The following RFPL2 variants were observed in gnomAD, a reference collection of about 807,000 sequenced individuals.
RFPL2 encodes ret finger protein-like 2.
Under a neutral mutation model 17.8 loss-of-function variants are expected in RFPL2, and 13 were observed. That is an observed-to-expected ratio of 0.73 (90% CI 0.47 to 1.16). The LOEUF is 1.16. Among genes scored for constraint, RFPL2 ranks in the 50% most tolerant of loss-of-function variants. RFPL2 has a pLI of 0.00. For missense variants in RFPL2, 431 were observed against 479.3 expected (o/e 0.90, Z 0.94); for synonymous variants, 189 against 180.9 (o/e 1.04, Z -0.36).
chr22:32,197,328 G>C (rs954918821), intron 2 of RFPL2, among the ~76,000 whole-genome samples: 3 of 152,098 alleles, frequency 2.0e-5, no homozygotes, highest in Non-Finnish European at 4.4e-5. Context: ...GTGGTTAAAG[G>C]CACAGTGCTG....
chr22:32,191,111 C>A lies in RFPL2; in HGVS notation c.798G>T (p.Gly266=). The A allele has an allele frequency of 6.2e-7, 1 of 1,613,994 alleles. No homozygotes were observed. The highest frequency in any genetic ancestry group is 1.3e-5 in the African/African-American group (1 of 75,046). The part of the protein sequence containing the change: ...GVCRESVHRK[G]RIQLTTELGF... ...CAAGCTCTGTGGTCAGCTGGATCCT[C>A]CCTTTGCGGTGAACAGATTCTCTGC... The change falls in exon 5 of 5, where the codon GGG becomes GGT. Residue 266 remains glycine (G), a synonymous_variant. Coordinates refer to ENST00000652607, the MANE Select transcript of RFPL2 (RefSeq NM_001394555.1).
chr22:32,193,285 A>G (rs1202998449), intron 3 of RFPL2, 93 bp from the exon 4 acceptor site: 3 of 1,605,896 alleles, frequency 1.9e-6, no homozygotes, highest in Non-Finnish European at 2.6e-6. Flanking sequence ...GCATAGAGGT[A>G]TTGTGTTCCA....
At position 32,190,490 on chromosome 22, in the gene RFPL2, C is replaced by T. The variant is rs901947390; in HGVS notation, c.*282G>A. ...AACTTCTATAATACATTAATTTGAA[C>T]TTGCAGAAATAAAAAAGTAAAGCAT... On this transcript the variant is annotated 3_prime_UTR_variant, in exon 5 of 5. Transcript: ENST00000652607. 14 of 294,518 alleles carry T rather than the reference C, an allele frequency of 4.8e-5. No homozygotes were observed. The highest frequency in any genetic ancestry group is 2.0e-4 in the Admixed American group (4 of 20,322). 18.2% of individuals were successfully genotyped at this position (294,518 alleles called of 1,614,324 possible).
At chr22:32,202,963 A>G (rs1438165044) in intron 1 of RFPL2, 2 of 985,868 alleles carry the variant, frequency 2.0e-6, no homozygotes, top group African/African-American at 3.5e-5. Context: ...AGGAAGCACC[A>G]CGGGGCTGGG....
At chr22:32,202,265 T>C in intron 2 of RFPL2, 68 bp downstream of exon 2, 1 of 1,540,584 alleles carries the variant, frequency 6.5e-7, no homozygotes, top group Non-Finnish European at 8.8e-7. Context: ...ACCCTCCTCC[T>C]GCCTTCCTCT....
chr22:32,198,396 A>C (rs1405205124), intron 2 of RFPL2, among the ~76,000 whole-genome samples: 2 of 149,716 alleles, frequency 1.3e-5, no homozygotes, highest in Non-Finnish European at 3.0e-5. Flanking sequence ...TGAGAAGGGC[A>C]GGCAGGTATG....
chr22:32,196,554 G>T (rs188849657), intron 2 of RFPL2, among the ~76,000 whole-genome samples: 1 of 152,310 alleles, frequency 6.6e-6, no homozygotes, highest in East Asian at 1.9e-4. Flanking sequence ...GCTCTTTGCT[G>T]GATTCTGGGT....
intron 3 of RFPL2, chr22:32,193,527 A>G (rs1922950690): frequency 5.2e-6 from 7 of 1,358,512 alleles, no homozygotes; most frequent in Middle Eastern, 5.5e-4. Flanking sequence ...ACCTCCTCCT[A>G]GGGGAACCCC....
rs563504442 is a variant in RFPL2, at chr22:32,197,882, G to C, written c.120-3392C>G. Among the ~76,000 whole-genome samples, 16 of 152,258 alleles carry C rather than the reference G, an allele frequency of 1.1e-4. No individual in the cohort carries two copies. The South Asian group carries it at 3.3e-3, about 32-fold the overall frequency. On this transcript the variant is annotated intron_variant, in intron 2 of 4. Transcript: ENST00000652607. ...CTACTTACATAGTCCTTTTGAGTCA[G>C]ACACTCCAAACACACCCAAAATGAA...
At chr22:32,191,513 T>A (rs189610593) in intron 4 of RFPL2, among the ~76,000 whole-genome samples, 161 bp from the exon 5 acceptor site, 14 of 152,358 alleles carry the variant, frequency 9.2e-5, no homozygotes, top group Middle Eastern at 3.4e-3. Flanking sequence ...CTAGTTCAAA[T>A]TCTCATAGGT....
chr22:32,197,620 A>G (rs1923488736), intron 2 of RFPL2, among the ~76,000 whole-genome samples: 1 of 151,968 alleles, frequency 6.6e-6, no homozygotes, highest in South Asian at 2.1e-4. Flanking sequence ...AAGTGTTCTC[A>G]TTGTTCAAAT....
At chr22:32,200,162 C>A in intron 2 of RFPL2, 1 of 380,384 alleles carries the variant, frequency 2.6e-6, no homozygotes, top group African/African-American at 2.2e-5. Flanking sequence ...GGTCCCGCAG[C>A]AGCTACAGCT....
Position 32,202,465 on chromosome 22 carries a change from T to C in RFPL2, c.-14A>G. ...AGCCACCTCCATCGGAGGCAAATCA[T>C]GGTGCCACAGGCTCTAGCCTCCAGC... On this transcript the variant is annotated 5_prime_UTR_variant, in exon 2 of 5. The change abolishes an upstream ATG in the 5' untranslated region. Transcript: ENST00000652607. The C allele has an allele frequency of 1.9e-6, 3 of 1,576,694 alleles. No individual in the cohort carries two copies. The highest frequency in any genetic ancestry group is 2.6e-6 in the Non-Finnish European group (3 of 1,160,946).
chr22:32,199,434 G>C (rs1603208591), intron 2 of RFPL2, among the ~76,000 whole-genome samples: 1 of 152,166 alleles, frequency 6.6e-6, no homozygotes, highest in South Asian at 2.1e-4. Context: ...GTGGGACTTG[G>C]GTGAGCAAAG....
At chr22:32,202,103 G>A (rs1437122928) in intron 2 of RFPL2, among the ~76,000 whole-genome samples, 1 of 152,106 alleles carries the variant, frequency 6.6e-6, no homozygotes, top group African/African-American at 2.4e-5. Flanking sequence ...GACGCCCCCA[G>A]CTCCTGGCCC....
chr22:32,202,307 G>T (rs767285703), intron 2 of RFPL2, 26 bp downstream of exon 2: 2 of 1,567,958 alleles, frequency 1.3e-6, no homozygotes, highest in Non-Finnish European at 8.6e-7. Flanking sequence ...CTGGAGCAAT[G>T]CGGAAAACCC....
rs1458391190 is a variant in RFPL2, at chr22:32,197,367, C to T, written c.120-2877G>A. ...GCAAAGAGCTTTTCTTTCCTCACACCCACAGTCCAGAAGCCAAGTTCTTTT... is the reference window on the plus strand; with the variant it reads ...GCAAAGAGCTTTTCTTTCCTCACACTCACAGTCCAGAAGCCAAGTTCTTTT... On this transcript the variant is annotated intron_variant, in intron 2 of 4. Coordinates refer to ENST00000652607, the MANE Select transcript of RFPL2 (RefSeq NM_001394555.1). Among the ~76,000 whole-genome samples, 9 of 152,140 alleles carry T rather than the reference C, an allele frequency of 5.9e-5. No individual in the cohort carries two copies. In the East Asian group the frequency reaches 9.6e-4, roughly 16 times the overall value.
chr22:32,204,544 C>T (rs1417547225), intron 1 of RFPL2, among the ~76,000 whole-genome samples, 163 bp downstream of exon 1: 4 of 152,264 alleles, frequency 2.6e-5, no homozygotes, highest in Non-Finnish European at 5.9e-5. Context: ...CCTCCCCGCC[C>T]CCTGCCGCAG....
At chr22:32,193,857 C>A (rs1923007703) in intron 3 of RFPL2, among the ~76,000 whole-genome samples, 1 of 104,580 alleles carries the variant, frequency 9.6e-6, no homozygotes, top group South Asian at 3.5e-4. Flanking sequence ...AGTGAGACAC[C>A]ATCTCAAAAA....
Sources: allele counts gnomAD v4.1 joint callset (sites outside exome capture counted in the v4.1 genomes callset), GRCh38; gene constraint gnomAD v4.1.1; transcripts MANE v1.5; gene names NCBI Gene and HGNC (gene_info 2026-07-23, HGNC 2026-07-21).